Variants in CACHD1 observed in about 807,000 individuals in gnomAD.
CACHD1 encodes the protein VWFA and cache domain-containing protein 1.
Under a neutral mutation model 138.7 loss-of-function variants are expected in CACHD1, and 71 were observed. That is an observed-to-expected ratio of 0.51 (90% CI 0.42 to 0.62). The LOEUF is 0.62. CACHD1 is among the 20% of genes least tolerant of loss of function. The pLI is 0.00. For synonymous variants in CACHD1, 578 were observed against 591.5 expected (o/e 0.98, Z 0.33); for missense variants, 1,389 against 1,625.3 (o/e 0.85, Z 2.50).
intron 14 of CACHD1, 130 bp downstream of exon 14, chr1:64,663,967 T>C: frequency 8.2e-7 from 1 of 1,225,848 alleles, no homozygotes; most frequent in Non-Finnish European, 1.1e-6. Flanking sequence ...AGCTGCAGAG[T>C]GTGTGGCCCA....
In CACHD1 at chr1:64,685,938, C is replaced by CCCTA. The variant is rs1650356665; in HGVS notation, c.3586+3836_3586+3839dup. Reference sequence around the variant, plus strand: ...TAGGCACGGTGCTCAGGGTTGACCTCCCTACCTCTGTGCCCACCCTGCCCT... The same window carrying CCCTA: ...TAGGCACGGTGCTCAGGGTTGACCTCCCTACCTACCTCTGTGCCCACCCTGCCCT... On this transcript the variant is annotated intron_variant, in intron 26 of 26. Coordinates refer to ENST00000651257, the MANE Select transcript of CACHD1 (RefSeq NM_020925.4). Among the ~76,000 whole-genome samples the CCCTA allele has an allele frequency of 7.9e-5, 12 of 152,198 alleles. 1 individual carries two copies. The South Asian group carries it at 2.5e-3, about 32-fold the overall frequency.
intron 4 of CACHD1, among the ~76,000 whole-genome samples, chr1:64,618,371 G>A (rs1246773636): frequency 2.0e-5 from 3 of 151,924 alleles, no homozygotes; most frequent in Non-Finnish European, 2.9e-5. Flanking sequence ...ACAATAGTGT[G>A]GTCCCAGGTA....
At chr1:64,677,508 T>TAC (rs1429921901) in intron 22 of CACHD1, among the ~76,000 whole-genome samples, 2 of 152,156 alleles carry the variant, frequency 1.3e-5, no homozygotes, top group African/African-American at 4.8e-5. Flanking sequence ...GGGGAGTTGG[T>TAC]TTTTAGCTTA....
chr1:64,663,378 C>T (rs966764476), intron 13 of CACHD1, among the ~76,000 whole-genome samples: 2 of 146,386 alleles, frequency 1.4e-5, no homozygotes, highest in African/African-American at 2.5e-5. Context: ...CGGTGAAACC[C>T]TGTCCCTACT....
chr1:64,668,858 G>A (rs577726977), intron 16 of CACHD1, among the ~76,000 whole-genome samples: 4 of 152,242 alleles, frequency 2.6e-5, no homozygotes, highest in African/African-American at 4.8e-5. Context: ...ATGGATGCAC[G>A]GATAGATAGG....
At chr1:64,557,501 G>A (rs1037216955) in intron 2 of CACHD1, among the ~76,000 whole-genome samples, 1 of 152,178 alleles carries the variant, frequency 6.6e-6, no homozygotes, top group Non-Finnish European at 1.5e-5. Context: ...AGAGAACTGA[G>A]AGAACTCCTT....
intron 1 of CACHD1, among the ~76,000 whole-genome samples, chr1:64,518,008 G>A (rs966977142): frequency 8.5e-5 from 13 of 152,158 alleles, no homozygotes; most frequent in African/African-American, 3.1e-4. Flanking sequence ...GATCCTCTTT[G>A]AACATGACTT....
intron 4 of CACHD1, among the ~76,000 whole-genome samples, chr1:64,618,145 T>C (rs1647779149): frequency 6.6e-6 from 1 of 150,412 alleles, no homozygotes; most frequent in Non-Finnish European, 1.5e-5. Flanking sequence ...ACCTACCTCA[T>C]AGATTAAAAA....
At position 64,540,149 on chromosome 1, in the gene CACHD1, G is replaced by A. The variant is rs993251499; in HGVS notation, c.199-10445G>A. Among the ~76,000 whole-genome samples, 14 of 152,272 alleles carry A rather than the reference G, an allele frequency of 9.2e-5. 5 individuals carry two copies. ...CAGTTCCCTTTGTCCTTAATGGATA[G>A]ATTCCCAGAGACCTAAGCATTTGTG... On this transcript the variant is annotated intron_variant, in intron 1 of 26. Transcript: ENST00000651257.
At chr1:64,617,551 G>A (rs1016590468) in intron 4 of CACHD1, among the ~76,000 whole-genome samples, 7 of 152,146 alleles carry the variant, frequency 4.6e-5, no homozygotes, top group African/African-American at 1.2e-4. Flanking sequence ...GGGGTTTGAG[G>A]ATGCCTGCTC....
chr1:64,590,448 T>G (rs770144168), intron 3 of CACHD1, among the ~76,000 whole-genome samples: 7 of 152,188 alleles, frequency 4.6e-5, no homozygotes, highest in Non-Finnish European at 8.8e-5. Flanking sequence ...GATTTAGATG[T>G]TGTATACATT....
intron 1 of CACHD1, among the ~76,000 whole-genome samples, chr1:64,508,675 T>G (rs1311430540): frequency 1.3e-5 from 2 of 152,176 alleles, no homozygotes; most frequent in African/African-American, 4.8e-5. Flanking sequence ...AGTCCCTAAG[T>G]TGTTCTCTCA....
At chr1:64,546,834 G>A (rs1486001156) in intron 1 of CACHD1, among the ~76,000 whole-genome samples, 4 of 151,986 alleles carry the variant, frequency 2.6e-5, no homozygotes, top group Non-Finnish European at 4.4e-5. Flanking sequence ...CGTAGCAATA[G>A]AAGTAATAAA....
intron 11 of CACHD1, 146 bp from the exon 12 acceptor site, chr1:64,654,540 C>A: frequency 1.6e-6 from 1 of 626,002 alleles, no homozygotes; most frequent in Non-Finnish European, 2.8e-6. Context: ...AATTGAAAAT[C>A]TCACATTATC....
chr1:64,642,731 C>A (rs1288969603), intron 8 of CACHD1, among the ~76,000 whole-genome samples: 2 of 151,358 alleles, frequency 1.3e-5, no homozygotes, highest in Non-Finnish European at 2.9e-5. Flanking sequence ...TCAAAGTGGC[C>A]ATCTTCTCTT....
intron 2 of CACHD1, among the ~76,000 whole-genome samples, chr1:64,577,609 A>G (rs1454994697): frequency 5.3e-5 from 8 of 152,192 alleles, no homozygotes; most frequent in Non-Finnish European, 1.2e-4. Context: ...ACTTCTGGAA[A>G]ATGGAAGTGT....
At chr1:64,686,181 C>T (rs1360308669) in intron 26 of CACHD1, among the ~76,000 whole-genome samples, 1 of 152,182 alleles carries the variant, frequency 6.6e-6, no homozygotes, top group African/African-American at 2.4e-5. Context: ...TGATTCTCTG[C>T]TCCCTGATAA....
chr1:64,689,271 C>T (rs1650465026), intron 26 of CACHD1, among the ~76,000 whole-genome samples: 1 of 152,224 alleles, frequency 6.6e-6, no homozygotes, highest in South Asian at 2.1e-4. Context: ...GTCTCAAAAT[C>T]AAGCTGTGCA....
At chr1:64,554,626 T>C (rs1007263651) in intron 2 of CACHD1, among the ~76,000 whole-genome samples, 2 of 152,252 alleles carry the variant, frequency 1.3e-5, no homozygotes, top group Non-Finnish European at 2.9e-5. Context: ...AAACACCTTT[T>C]TGCATGCTTA....
Sources: gnomAD v4.1 joint callset for allele counts (sites outside exome capture counted in the v4.1 genomes callset) on GRCh38, gnomAD v4.1.1 for gene constraint, MANE v1.5 for transcripts, NCBI Gene and HGNC (gene_info 2026-07-23, HGNC 2026-07-21) for gene names.